Variants in RIMS1 observed in about 807,000 individuals in gnomAD.
RIMS1 encodes the protein regulating synaptic membrane exocytosis protein 1.
Under a neutral mutation model 214.1 loss-of-function variants are expected in RIMS1, and 83 were observed. The observed-to-expected ratio is 0.39, with a 90% CI of 0.32 to 0.47. The LOEUF (loss-of-function observed/expected upper bound fraction) is 0.47, where lower values mean the gene tolerates loss of function less well. RIMS1 is among the 20% of genes least tolerant of loss of function. RIMS1 has a pLI of 0.99. For missense variants in RIMS1, 2,050 were observed against 2,161.8 expected (o/e 0.95, Z 1.03); for synonymous variants, 793 against 786.8 (o/e 1.01, Z -0.13).
Position 72,179,657 on chromosome 6 carries a change from A to G in RIMS1, c.554A>G (p.Gln185Arg), listed in dbSNP as rs2048172413. 1 of 1,613,992 alleles carries G rather than the reference A, an allele frequency of 6.2e-7. No individual in the cohort carries two copies. The highest frequency in any genetic ancestry group is 8.5e-7 in the Non-Finnish European group (1 of 1,179,884). The change falls in exon 5 of 34, where the codon CAG (glutamine) becomes CGG (arginine). Residue 185 changes from glutamine (Q) to arginine (R), a missense_variant. Coordinates refer to ENST00000521978, the MANE Select transcript of RIMS1 (RefSeq NM_014989.7). ...GCATGGTTCTTTGGAAGTGGCCCTC[A>G]GCAGACAAGTCAGGATGGAACCCTG... The part of the protein sequence containing the change: ...SGAWFFGSGP[Q>R]QTSQDGTLSD...
At chr6:72,100,241 C>T (rs946662597) in intron 4 of RIMS1, among the ~76,000 whole-genome samples, 1 of 151,958 alleles carries the variant, frequency 6.6e-6, no homozygotes, top group Non-Finnish European at 1.5e-5. Flanking sequence ...ATTGCAAGCT[C>T]ATTTATCTGC....
chr6:72,381,900 A>G (rs2098496996), intron 29 of RIMS1, among the ~76,000 whole-genome samples: 1 of 152,232 alleles, frequency 6.6e-6, no homozygotes, highest in Non-Finnish European at 1.5e-5. Flanking sequence ...GTACATTGTA[A>G]CAAAATAAAA....
intron 4 of RIMS1, among the ~76,000 whole-genome samples, chr6:72,101,480 A>G (rs1476307412): frequency 6.6e-6 from 1 of 152,002 alleles, no homozygotes; most frequent in African/African-American, 2.4e-5. Flanking sequence ...GCCATGTTAA[A>G]GAGAATAACT....
chr6:72,244,793 A>T (rs2068650445), intron 10 of RIMS1, among the ~76,000 whole-genome samples: 1 of 151,968 alleles, frequency 6.6e-6, no homozygotes, highest in African/African-American at 2.4e-5. Flanking sequence ...AGTCAAAATG[A>T]CAACTGCAGA....
intron 31 of RIMS1, among the ~76,000 whole-genome samples, chr6:72,394,708 A>G (rs1168192231): frequency 6.6e-6 from 1 of 151,322 alleles, no homozygotes; most frequent in Non-Finnish European, 1.5e-5. Context: ...TGTGATTTAA[A>G]AAGAAATCTT....
intron 1 of RIMS1, among the ~76,000 whole-genome samples, chr6:71,962,490 G>T (rs1350678473): frequency 6.6e-6 from 1 of 152,112 alleles, no homozygotes; most frequent in African/African-American, 2.4e-5. Flanking sequence ...TTCCCTGAAT[G>T]CACACTGGTG....
intron 28 of RIMS1, among the ~76,000 whole-genome samples, chr6:72,330,990 A>C (rs140268044): frequency 1.3e-5 from 2 of 151,894 alleles, no homozygotes; most frequent in Admixed American, 6.6e-5. Context: ...ATCATTTTTC[A>C]TATAACTTAA....
chr6:72,098,747 T>C (rs1394524502), intron 3 of RIMS1, among the ~76,000 whole-genome samples: 1 of 152,186 alleles, frequency 6.6e-6, no homozygotes, highest in Non-Finnish European at 1.5e-5. Flanking sequence ...ATAACTAAAA[T>C]CTAGGTCTTT....
chr6:72,127,582 C>G lies in RIMS1; in HGVS notation c.471+27596C>G, dbSNP rs542575776. Reference sequence around the variant, plus strand: ...GACACTATCAAAGCATTATAAAGGCCCCTCCAGTCATCAATTCTACACTGG... The same window carrying G: ...GACACTATCAAAGCATTATAAAGGCGCCTCCAGTCATCAATTCTACACTGG... On this transcript the variant is annotated intron_variant, in intron 4 of 33. Coordinates refer to ENST00000521978, the MANE Select transcript of RIMS1 (RefSeq NM_014989.7). 2.0e-5 allele frequency among the ~76,000 whole-genome samples: 3 copies of G among 152,122 alleles called. No individual in the cohort carries two copies. The South Asian group carries it at 6.2e-4, about 32-fold the overall frequency.
intron 2 of RIMS1, among the ~76,000 whole-genome samples, chr6:72,052,694 G>T (rs1432332644): frequency 1.3e-5 from 2 of 152,222 alleles, no homozygotes; most frequent in Non-Finnish European, 2.9e-5. Context: ...GATTTACTGA[G>T]GTTTAATGAG....
At chr6:72,007,295 A>G (rs1808153035) in intron 2 of RIMS1, among the ~76,000 whole-genome samples, 1 of 152,214 alleles carries the variant, frequency 6.6e-6, no homozygotes, top group African/African-American at 2.4e-5. Flanking sequence ...AAAAAACAGA[A>G]AGGACATCCA....
intron 2 of RIMS1, among the ~76,000 whole-genome samples, chr6:71,991,802 G>A (rs1319200518): frequency 4.6e-5 from 7 of 152,162 alleles, no homozygotes; most frequent in East Asian, 1.9e-4. Flanking sequence ...AGTGGCTCAC[G>A]CCTGCAATCC....
At chr6:72,337,698 T>C (rs933268774) in intron 29 of RIMS1, among the ~76,000 whole-genome samples, 2 of 150,642 alleles carry the variant, frequency 1.3e-5, no homozygotes, top group African/African-American at 4.9e-5. Context: ...CATTAACTCG[T>C]CATTTAGCAT....
intron 4 of RIMS1, among the ~76,000 whole-genome samples, chr6:72,103,415 G>T (rs995844564): frequency 1.3e-5 from 2 of 152,010 alleles, no homozygotes; most frequent in Non-Finnish European, 2.9e-5. Flanking sequence ...CAAAGTTCTG[G>T]TTAGTCTTGG....
chr6:72,300,664 A>T (rs901276900), intron 26 of RIMS1, among the ~76,000 whole-genome samples: 2 of 151,814 alleles, frequency 1.3e-5, no homozygotes, highest in Non-Finnish European at 2.9e-5. Context: ...AAACCTAAAC[A>T]TGCTTTTAAA....
At chr6:72,002,136 A>G (rs1805464224) in intron 2 of RIMS1, among the ~76,000 whole-genome samples, 1 of 152,152 alleles carries the variant, frequency 6.6e-6, no homozygotes, top group Non-Finnish European at 1.5e-5. Flanking sequence ...TGCTAAATGC[A>G]TGCTGAGTTA....
At chr6:72,364,941 C>G (rs2097941064) in intron 29 of RIMS1, among the ~76,000 whole-genome samples, 1 of 152,172 alleles carries the variant, frequency 6.6e-6, no homozygotes. Flanking sequence ...TGGAAGGAAC[C>G]CTCAGCAGAG....
At chr6:72,036,955 A>G (rs1456317536) in intron 2 of RIMS1, among the ~76,000 whole-genome samples, 1 of 152,194 alleles carries the variant, frequency 6.6e-6, no homozygotes, top group African/African-American at 2.4e-5. Flanking sequence ...CGTAGCAACC[A>G]GAATCTCTGA....
intron 4 of RIMS1, among the ~76,000 whole-genome samples, chr6:72,158,712 AT>A (rs2044817289): frequency 7.2e-6 from 1 of 139,028 alleles, no homozygotes; most frequent in Non-Finnish European, 1.6e-5. Context: ...TTCCAGCTTC[AT>A]CCATGTCCCT....
Sources: gnomAD v4.1 joint callset for allele counts (sites outside exome capture counted in the v4.1 genomes callset) on GRCh38, gnomAD v4.1.1 for gene constraint, MANE v1.5 for transcripts, NCBI Gene and HGNC (gene_info 2026-07-23, HGNC 2026-07-21) for gene names.